The following MYOM2 variants were observed in gnomAD, a reference collection of about 807,000 sequenced individuals.
The protein encoded by MYOM2 is myomesin-2.
Under a neutral mutation model 187.6 loss-of-function variants are expected in MYOM2, and 254 were observed. That is an observed-to-expected ratio of 1.35 (90% CI 1.22 to 1.50). The LOEUF (loss-of-function observed/expected upper bound fraction) is 1.50, where lower values mean the gene tolerates loss of function less well. Among genes scored for constraint, MYOM2 ranks in the 40% most tolerant of loss-of-function variants. The probability of loss-of-function intolerance (pLI) is 0.00; values close to 1 mark genes in which losing one functional copy is unlikely to be tolerated. For synonymous variants in MYOM2, 981 were observed against 753.8 expected (o/e 1.30, Z -4.94); for missense variants, 2,796 against 1,924.0 (o/e 1.45, Z -8.48).
intron 9 of MYOM2, 40 bp from the exon 10 acceptor site, chr8:2,073,299 T>G: frequency 1.3e-6 from 2 of 1,575,946 alleles, no homozygotes; most frequent in Non-Finnish European, 1.7e-6. Context: ...CCTGCTGGGG[T>G]GATTTTGGAT....
Position 2,083,819 on chromosome 8 carries a change from C to G in MYOM2, c.1517-1444C>G, listed in dbSNP as rs192509653. Among the ~76,000 whole-genome samples, 759 of 152,316 alleles carry G rather than the reference C, an allele frequency of 5.0e-3. 1 individual carries two copies. Among genetic ancestry groups the G allele is most frequent in the Non-Finnish European group, 7.8e-3 (533 of 68,024 alleles). ...TGAAGAATAAGTCAGATGTCTTGCC[C>G]CAGCCGGGGATCCCCTGCTGACAAA... On this transcript the variant is annotated intron_variant, in intron 13 of 36. Transcript: ENST00000262113.
At chr8:2,142,500 C>A (rs762359281) in intron 35 of MYOM2, 103 bp downstream of exon 35, 1 of 1,145,266 alleles carries the variant, frequency 8.7e-7, no homozygotes, top group Non-Finnish European at 1.3e-6. Flanking sequence ...TAATAACCAG[C>A]AATCCCCCAC....
At chr8:2,123,423 C>A in intron 29 of MYOM2, 58 bp downstream of exon 29, 1 of 1,499,476 alleles carries the variant, frequency 6.7e-7, no homozygotes, top group Non-Finnish European at 9.2e-7. Flanking sequence ...TCAAATAACT[C>A]GTAAATTCTA....
chr8:2,102,928 AAATG>A (rs1796759257), intron 21 of MYOM2, 147 bp downstream of exon 21: 2 of 630,628 alleles, frequency 3.2e-6, no homozygotes, highest in Non-Finnish European at 5.7e-6. Flanking sequence ...GTCTGTAGAT[AAATG>A]AATGGGAGAG....
intron 15 of MYOM2, among the ~76,000 whole-genome samples, chr8:2,090,968 C>T (rs1796281810): frequency 1.4e-5 from 2 of 146,154 alleles, no homozygotes; most frequent in South Asian, 2.1e-4. Context: ...GATTTATATT[C>T]CTCTGGGTAT....
chr8:2,054,614 T>C (rs1472848613), intron 3 of MYOM2, among the ~76,000 whole-genome samples: 2 of 152,208 alleles, frequency 1.3e-5, no homozygotes, highest in Non-Finnish European at 1.5e-5. Context: ...GGTTAGAGGA[T>C]AGTGGTGCTA....
chr8:2,085,600 G>GTTGTGA (rs1819835361), intron 14 of MYOM2, among the ~76,000 whole-genome samples: 1 of 8,692 alleles, frequency 1.2e-4, no homozygotes, highest in Non-Finnish European at 1.7e-4. Flanking sequence ...TGGCCCCACT[G>GTTGTGA]TCGTGATCTC....
intron 13 of MYOM2, among the ~76,000 whole-genome samples, chr8:2,083,213 T>C (rs1422767975): frequency 1.3e-5 from 2 of 152,242 alleles, no homozygotes; most frequent in African/African-American, 4.8e-5. Flanking sequence ...TCATTTAGTA[T>C]TGACTTGGCC....
At chr8:2,133,464 T>C (rs932174984) in intron 32 of MYOM2, among the ~76,000 whole-genome samples, 2 of 152,172 alleles carry the variant, frequency 1.3e-5, no homozygotes, top group African/African-American at 4.8e-5. Flanking sequence ...TGCTTCCATC[T>C]ACCTGCCTCC....
chr8:2,057,554 G>C (rs1818710026), intron 4 of MYOM2, 68 bp downstream of exon 4: 12 of 1,612,896 alleles, frequency 7.4e-6, no homozygotes, highest in African/African-American at 1.3e-5. Flanking sequence ...TCTGCATGGT[G>C]CTTGAGGGGC....
At chr8:2,075,983 C>G (rs964493602) in intron 10 of MYOM2, among the ~76,000 whole-genome samples, 158 bp from the exon 11 acceptor site, 6 of 152,172 alleles carry the variant, frequency 3.9e-5, no homozygotes, top group African/African-American at 1.4e-4. Flanking sequence ...TGTCACCAAC[C>G]CGCCAGAGTA....
intron 25 of MYOM2, among the ~76,000 whole-genome samples, chr8:2,115,617 G>T (rs988917568): frequency 6.6e-6 from 1 of 152,152 alleles, no homozygotes; most frequent in East Asian, 1.9e-4. Flanking sequence ...GCTGGTGATC[G>T]TTATCATTCA....
At chr8:2,063,690 T>C (rs188972603) in intron 6 of MYOM2, among the ~76,000 whole-genome samples, 1 of 152,314 alleles carries the variant, frequency 6.6e-6, no homozygotes, top group East Asian at 1.9e-4. Flanking sequence ...TCATCACCAC[T>C]TATAATTTGA....
chr8:2,076,530 A>T, intron 11 of MYOM2: 1 of 495,122 alleles, frequency 2.0e-6, no homozygotes, highest in Non-Finnish European at 3.6e-6. Context: ...CCTGTTGCAC[A>T]CCCAGTAACC....
At chr8:2,137,903 G>A (rs1162513610) in intron 32 of MYOM2, among the ~76,000 whole-genome samples, 3 of 152,144 alleles carry the variant, frequency 2.0e-5, no homozygotes, top group East Asian at 3.8e-4. Flanking sequence ...TTGCCTTCAG[G>A]TCTCTGCACA....
chr8:2,055,831 G>T (rs960148425), intron 3 of MYOM2, among the ~76,000 whole-genome samples: 1 of 152,178 alleles, frequency 6.6e-6, no homozygotes, highest in Non-Finnish European at 1.5e-5. Context: ...TCTCTGGACA[G>T]CCGTGATGCT....
At position 2,057,584 on chromosome 8, in the gene MYOM2, G is replaced by A. The variant is rs762152229; in HGVS notation, c.403-39G>A. The A allele has an allele frequency of 2.4e-5, 39 of 1,612,756 alleles. 1 individual carries two copies. The highest frequency in any genetic ancestry group is 1.4e-4 in the South Asian group (13 of 90,934). Reference sequence around the variant, plus strand: ...AGGGGCCGAGGGTGGAGCTTGGCTCGCTGCCTGGGAACCTGACCATCCTTG... The same window carrying A: ...AGGGGCCGAGGGTGGAGCTTGGCTCACTGCCTGGGAACCTGACCATCCTTG... On this transcript the variant is annotated intron_variant, in intron 4 of 36. Coordinates refer to ENST00000262113, the MANE Select transcript of MYOM2 (RefSeq NM_003970.4).
At chr8:2,078,281 C>A (rs1344629907) in intron 11 of MYOM2, among the ~76,000 whole-genome samples, 1 of 152,174 alleles carries the variant, frequency 6.6e-6, no homozygotes, top group Non-Finnish European at 1.5e-5. Flanking sequence ...CTTGGTCTCA[C>A]AGAGTGGGAC....
chr8:2,048,890 C>A (rs947413740), intron 1 of MYOM2, among the ~76,000 whole-genome samples: 1 of 151,692 alleles, frequency 6.6e-6, no homozygotes, highest in Non-Finnish European at 1.5e-5. Context: ...CCCAGGTTCA[C>A]GCCATTCTCC....
Sources: allele counts gnomAD v4.1 joint callset (sites outside exome capture counted in the v4.1 genomes callset), GRCh38; gene constraint gnomAD v4.1.1; transcripts MANE v1.5; gene names NCBI Gene and HGNC (gene_info 2026-07-23, HGNC 2026-07-21).